Variants in EIF3H observed in about 807,000 individuals in gnomAD.
EIF3H encodes the protein eukaryotic translation initiation factor 3 subunit H.
Under a neutral mutation model 44.2 loss-of-function variants are expected in EIF3H, and 26 were observed. That is an observed-to-expected ratio of 0.59 (90% CI 0.43 to 0.82). The LOEUF (loss-of-function observed/expected upper bound fraction) is 0.82, where lower values mean the gene tolerates loss of function less well. EIF3H is among the 40% of genes least tolerant of loss of function. The pLI is 0.00. For synonymous variants in EIF3H, 166 were observed against 151.9 expected, an observed-to-expected ratio of 1.09 and a Z score of -0.68; for missense variants, 359 against 432.8, an observed-to-expected ratio of 0.83 and a Z score of 1.51.
chr8:116,650,635 G>A (rs1229001544), intron 5 of EIF3H, among the ~76,000 whole-genome samples: 2 of 152,190 alleles, frequency 1.3e-5, no homozygotes, highest in African/African-American at 4.8e-5. Context: ...CTAAGGGAAA[G>A]AAGGTAGACA....
intron 2 of EIF3H, among the ~76,000 whole-genome samples, chr8:116,677,738 T>C (rs992602868): frequency 2.6e-5 from 4 of 152,216 alleles, no homozygotes; most frequent in Non-Finnish European, 4.4e-5. Flanking sequence ...AGCTCAAGGC[T>C]AGACTTTCTC....
At chr8:116,673,107 G>A (rs1385198025) in intron 2 of EIF3H, among the ~76,000 whole-genome samples, 1 of 151,576 alleles carries the variant, frequency 6.6e-6, no homozygotes, top group African/African-American at 2.4e-5. Flanking sequence ...ACAGCCAGGA[G>A]GCAATGGCTT....
chr8:116,696,221 C>T (rs1814266759), intron 2 of EIF3H, among the ~76,000 whole-genome samples: 1 of 152,086 alleles, frequency 6.6e-6, no homozygotes, highest in Admixed American at 6.5e-5. Flanking sequence ...TACATTATGC[C>T]AAAGAGTGAG....
intron 1 of EIF3H, among the ~76,000 whole-genome samples, chr8:116,752,747 A>AGGAAG (rs1246617706): frequency 8.8e-6 from 1 of 113,978 alleles, no homozygotes; most frequent in African/African-American, 3.2e-5. Context: ...GAAAGAAAGA[A>AGGAAG]AGAAAGAGGG....
intron 2 of EIF3H, among the ~76,000 whole-genome samples, chr8:116,709,480 G>A (rs1189533490): frequency 6.6e-6 from 1 of 152,130 alleles, no homozygotes; most frequent in Non-Finnish European, 1.5e-5. Context: ...TTATCAAAAA[G>A]GTAACCATAT....
intron 5 of EIF3H, among the ~76,000 whole-genome samples, chr8:116,649,311 T>C (rs1357060524): frequency 6.6e-6 from 1 of 152,208 alleles, no homozygotes; most frequent in Non-Finnish European, 1.5e-5. Context: ...TTATCAGTAA[T>C]CACAGGAAAG....
intron 2 of EIF3H, chr8:116,688,930 A>G: frequency 3.6e-6 from 1 of 281,158 alleles, no homozygotes; most frequent in Non-Finnish European, 7.3e-6. Context: ...GAGTTACCAT[A>G]TGACCCAGCA....
At chr8:116,690,287 T>C (rs1046974376) in intron 2 of EIF3H, among the ~76,000 whole-genome samples, 4 of 152,074 alleles carry the variant, frequency 2.6e-5, no homozygotes, top group Non-Finnish European at 5.9e-5. Flanking sequence ...AACTATCAGA[T>C]TGAAGGGCTA....
chr8:116,719,670 G>A (rs576985247), intron 2 of EIF3H, among the ~76,000 whole-genome samples: 47 of 152,040 alleles, frequency 3.1e-4, no homozygotes, highest in African/African-American at 1.1e-3. Context: ...AGAGATCAAT[G>A]CAAATATTTT....
At chr8:116,702,024 T>C (rs1303040865) in intron 2 of EIF3H, among the ~76,000 whole-genome samples, 5 of 152,174 alleles carry the variant, frequency 3.3e-5, no homozygotes, top group Non-Finnish European at 1.5e-5. Flanking sequence ...GATTTAAATA[T>C]ATACAGTCTG....
At chr8:116,647,135 G>A (rs890551165) in intron 6 of EIF3H, among the ~76,000 whole-genome samples, 1 of 151,588 alleles carries the variant, frequency 6.6e-6, no homozygotes, top group African/African-American at 2.4e-5. Context: ...ACCCAGGCTG[G>A]AGTGCAGTGG....
At chr8:116,755,625 G>C (rs763793386) in intron 1 of EIF3H, 41 bp downstream of exon 1, 1 of 1,612,136 alleles carries the variant, frequency 6.2e-7, no homozygotes, top group Non-Finnish European at 8.5e-7. Context: ...GCTGGGAACT[G>C]CGCTCCCCAC....
intron 1 of EIF3H, among the ~76,000 whole-genome samples, chr8:116,762,955 GA>G (rs1156705115): frequency 6.7e-6 from 1 of 149,748 alleles, no homozygotes; most frequent in Admixed American, 6.6e-5. Context: ...AAAAGAAAAG[GA>G]AAAAAAAAGA....
chr8:116,733,615 AAAAC>A (rs996623113), intron 1 of EIF3H, among the ~76,000 whole-genome samples: 3 of 152,184 alleles, frequency 2.0e-5, no homozygotes, highest in African/African-American at 4.8e-5. Flanking sequence ...ATTTAAAAAA[AAAAC>A]AAACTCTTAA....
At chr8:116,733,623 C>T (rs1814986349) in intron 1 of EIF3H, among the ~76,000 whole-genome samples, 1 of 151,260 alleles carries the variant, frequency 6.6e-6, no homozygotes, top group Non-Finnish European at 1.5e-5. Flanking sequence ...AAAAAACAAA[C>T]TCTTAAAAAA....
chr8:116,725,882 A>G (rs1814827214), intron 2 of EIF3H, 134 bp downstream of exon 2: 1 of 1,058,762 alleles, frequency 9.4e-7, no homozygotes, highest in African/African-American at 1.6e-5. Flanking sequence ...AATTTTCCCA[A>G]AGTATCAGAC....
Position 116,755,710 on chromosome 8 carries a change from C to CGCCTCT in EIF3H, c.87_88insAGAGGC (p.Gly29_Gly30insArgGly). ...TGCTTCACGGCTGAATCTCCCGAGC[C>CGCCTCT]GCCTTTGCCTTTGCCTTTCCCTGCT... is the stretch of plus-strand genomic sequence containing the variant. On this transcript the variant is annotated inframe_insertion, in exon 1 of 8. Transcript: ENST00000521861. 1 of 1,614,190 alleles carries CGCCTCT rather than the reference C, an allele frequency of 6.2e-7. No individual in the cohort carries two copies. Among genetic ancestry groups the CGCCTCT allele is most frequent in the Non-Finnish European group, 8.5e-7 (1 of 1,180,022 alleles).
intron 1 of EIF3H, among the ~76,000 whole-genome samples, chr8:116,753,338 A>G (rs1299901129): frequency 6.6e-6 from 1 of 152,186 alleles, no homozygotes; most frequent in Non-Finnish European, 1.5e-5. Context: ...ATAACTCTCA[A>G]GTAAAATAAT....
At chr8:116,716,108 A>C (rs1234532911) in intron 2 of EIF3H, among the ~76,000 whole-genome samples, 1 of 152,116 alleles carries the variant, frequency 6.6e-6, no homozygotes, top group Non-Finnish European at 1.5e-5. Flanking sequence ...CACTAGCATA[A>C]TCTAACACAG....
Sources: gnomAD v4.1 joint callset for allele counts (sites outside exome capture counted in the v4.1 genomes callset) on GRCh38, gnomAD v4.1.1 for gene constraint, MANE v1.5 for transcripts, NCBI Gene and HGNC (gene_info 2026-07-23, HGNC 2026-07-21) for gene names.